The following CPVL variants were observed in gnomAD, a reference collection of about 807,000 sequenced individuals.
CPVL encodes carboxypeptidase vitellogenic like.
CPVL carries 51 observed loss-of-function variants against 63.7 expected under a neutral mutation model. That is an observed-to-expected ratio of 0.80 (90% confidence interval 0.64 to 1.01). The LOEUF is 1.01. Ranked by LOEUF, CPVL falls within the 50% of genes least tolerant of loss-of-function variation. The pLI, the probability that CPVL is intolerant of heterozygous loss-of-function variation, is 0.00. For missense variants in CPVL, 530 were observed against 573.1 expected (o/e 0.92, Z 0.77); for synonymous variants, 195 against 206.0 (o/e 0.95, Z 0.46).
chr7:29,043,709 AG>A (rs1229493264), intron 11 of CPVL, among the ~76,000 whole-genome samples: 2 of 152,208 alleles, frequency 1.3e-5, no homozygotes, highest in Non-Finnish European at 2.9e-5. Flanking sequence ...GTCATAAGCA[AG>A]TAGATGGCAC....
chr7:29,131,473 A>T (rs1438054810), intron 1 of CPVL, among the ~76,000 whole-genome samples: 1 of 152,114 alleles, frequency 6.6e-6, no homozygotes, highest in Non-Finnish European at 1.5e-5. Flanking sequence ...TACATTTCTC[A>T]GCTCTTTTCC....
chr7:29,041,745 T>C (rs2128164633), intron 11 of CPVL, among the ~76,000 whole-genome samples: 1 of 152,268 alleles, frequency 6.6e-6, no homozygotes, highest in South Asian at 2.1e-4. Context: ...TATAAGCACT[T>C]AAAATGTGGC....
At chr7:29,133,085 G>A (rs1409903495) in intron 1 of CPVL, among the ~76,000 whole-genome samples, 2 of 151,294 alleles carry the variant, frequency 1.3e-5, no homozygotes, top group Non-Finnish European at 2.9e-5. Context: ...AATCCACTAC[G>A]TATAGTATCC....
chr7:29,158,775 G>A (rs971709488), intron 5 of CPVL, among the ~76,000 whole-genome samples: 1 of 152,186 alleles, frequency 6.6e-6, no homozygotes, highest in Non-Finnish European at 1.5e-5. Context: ...GAGATTAGTA[G>A]TAGCAGTATT....
intron 11 of CPVL, among the ~76,000 whole-genome samples, chr7:29,055,129 C>A (rs1219044184): frequency 1.3e-5 from 2 of 152,172 alleles, no homozygotes; most frequent in Admixed American, 6.5e-5. Flanking sequence ...TATTCACAGG[C>A]TGTAGCCTGT....
At chr7:29,059,188 T>A (rs1276976092) in intron 11 of CPVL, among the ~76,000 whole-genome samples, 1 of 152,294 alleles carries the variant, frequency 6.6e-6, no homozygotes, top group Middle Eastern at 3.4e-3. Flanking sequence ...AGTCTACTAG[T>A]GAGCCCACCA....
chr7:29,070,143 C>T (rs1444500464), intron 9 of CPVL, among the ~76,000 whole-genome samples: 1 of 152,174 alleles, frequency 6.6e-6, no homozygotes, highest in East Asian at 1.9e-4. Flanking sequence ...GTCAAAAAGA[C>T]ATTCCAAGCC....
At chr7:29,044,011 T>C (rs992878534) in intron 11 of CPVL, among the ~76,000 whole-genome samples, 1 of 152,142 alleles carries the variant, frequency 6.6e-6, no homozygotes, top group Admixed American at 6.5e-5. Flanking sequence ...ATGATGATGA[T>C]GATGATGGAA....
At chr7:29,000,403 CTG>C (rs1479297197) in intron 12 of CPVL, among the ~76,000 whole-genome samples, 6 of 148,702 alleles carry the variant, frequency 4.0e-5, no homozygotes, top group South Asian at 4.2e-4. Flanking sequence ...ACAGAGGAAA[CTG>C]TGTGTGGAAA....
chr7:29,087,454 T>G (rs935640601), intron 6 of CPVL, among the ~76,000 whole-genome samples: 6 of 138,384 alleles, frequency 4.3e-5, no homozygotes, highest in Admixed American at 1.5e-4. Flanking sequence ...AGAATGCCAA[T>G]AGCCACTTCA....
intron 1 of CPVL, among the ~76,000 whole-genome samples, chr7:29,130,948 T>A (rs1790631749): frequency 6.6e-6 from 1 of 152,192 alleles, no homozygotes. Flanking sequence ...AATTACTTTT[T>A]GGGGTAAGTG....
chr7:29,049,635 GAA>G (rs1789955985), intron 11 of CPVL, among the ~76,000 whole-genome samples: 1 of 152,062 alleles, frequency 6.6e-6, no homozygotes, highest in Admixed American at 6.6e-5. Context: ...ACGACATAGA[GAA>G]AGAGGGAAAC....
intron 12 of CPVL, chr7:29,009,919 GAAGAA>G (rs765757221): frequency 1.3e-5 from 2 of 152,094 alleles, no homozygotes; most frequent in African/African-American, 2.4e-5. Context: ...AAATTTAAAA[GAAGAA>G]AAGAAAAACC....
Position 28,995,494 on chromosome 7 carries a change from T to TA in CPVL, c.*277dup, listed in dbSNP as rs530438038. The TA allele has an allele frequency of 8.5e-5, 26 of 305,214 alleles. No homozygotes were observed. Among genetic ancestry groups the TA allele is most frequent in the African/African-American group, 5.8e-4 (26 of 44,950 alleles). 18.9% of individuals were successfully genotyped at this position (305,214 alleles called of 1,614,324 possible). A position where few individuals can be genotyped will look rare whatever the true frequency, so the allele number is the denominator to read the frequency against. The stretch of plus-strand genomic sequence containing the variant: ...AATTAAAACTTCCTATTCAAGACCC[T>TA]AAAATTTCATTTATACATCTTGTCT... On this transcript the variant is annotated 3_prime_UTR_variant, in exon 13 of 13. Transcript: ENST00000265394.
intron 1 of CPVL, chr7:29,126,651 C>G (rs933103866): frequency 7.2e-5 from 11 of 152,212 alleles, no homozygotes; most frequent in African/African-American, 2.7e-4. Flanking sequence ...CTTATATTCT[C>G]CCCTTCACTC....
intron 12 of CPVL, among the ~76,000 whole-genome samples, chr7:28,996,549 C>CAAAAAAAAAAAAAAAAAAAAAA (rs549584191): frequency 2.6e-5 from 3 of 113,566 alleles, no homozygotes; most frequent in Non-Finnish European, 5.9e-5. Flanking sequence ...AACCAAAAAA[C>CAAAAAAAAAAAAAAAAAAAAAA]AAAAAAAAAA....
At chr7:29,107,332 C>T (rs191728150) in intron 3 of CPVL, among the ~76,000 whole-genome samples, 68 of 152,314 alleles carry the variant, frequency 4.5e-4, no homozygotes, top group African/African-American at 1.3e-3. Flanking sequence ...ACCACACAGG[C>T]CACACGTTCA....
upstream of CPVL, among the ~76,000 whole-genome samples, chr7:29,150,452 C>A (rs1464246071): frequency 2.0e-5 from 3 of 152,156 alleles, no homozygotes; most frequent in African/African-American, 7.2e-5. Flanking sequence ...TCCAAGACAA[C>A]TAAATTGTAT....
chr7:29,151,132 G>C (rs1278790176), upstream of CPVL, among the ~76,000 whole-genome samples: 1 of 152,142 alleles, frequency 6.6e-6, no homozygotes, highest in African/African-American at 2.4e-5. Flanking sequence ...CTTGTACTTG[G>C]TAAGGAAGGG....
Sources: gnomAD v4.1 joint callset for allele counts (sites outside exome capture counted in the v4.1 genomes callset) on GRCh38, gnomAD v4.1.1 for gene constraint, MANE v1.5 for transcripts, NCBI Gene and HGNC (gene_info 2026-07-23, HGNC 2026-07-21) for gene names.